Variants in RNPS1 observed in about 807,000 individuals in gnomAD.
The protein encoded by RNPS1 is RNA-binding protein with serine-rich domain 1.
For synonymous variants in RNPS1, 147 were observed against 150.0 expected (o/e 0.98, Z 0.15); for missense variants, 300 against 427.6 (o/e 0.70, Z 2.63).
At chr16:2,262,705 C>T (rs2093608067) in intron 5 of RNPS1, 35 bp downstream of exon 5, 2 of 1,565,464 alleles carry the variant, frequency 1.3e-6, no homozygotes, top group Non-Finnish European at 1.8e-6. Context: ...CTTGTCCACA[C>T]CCCACTGCCC....
chr16:2,258,694 C>A (rs1264415561), intron 6 of RNPS1: 1 of 151,946 alleles, frequency 6.6e-6, no homozygotes, highest in African/African-American at 2.4e-5. Context: ...CCACTGCACA[C>A]CAGCGTGGGC....
At chr16:2,260,330 A>G (rs570560593) in intron 6 of RNPS1, among the ~76,000 whole-genome samples, 67 of 151,622 alleles carry the variant, frequency 4.4e-4, no homozygotes, top group African/African-American at 1.6e-3. Context: ...TAATTTTTGT[A>G]TTTTTATTAG....
intron 1 of RNPS1, 145 bp downstream of exon 1, chr16:2,267,910 C>T: frequency 6.5e-7 from 1 of 1,533,686 alleles, no homozygotes; most frequent in Non-Finnish European, 8.7e-7. Flanking sequence ...CCGGGCCACA[C>T]TCTTTCTTCT....
rs766752333 is a variant in RNPS1, at chr16:2,263,242, A to G, written c.273T>C (p.Thr91=). The change falls in exon 4 of 8, where the codon ACT becomes ACC. Residue 91 remains threonine (T), a synonymous_variant. Coordinates refer to ENST00000320225, the MANE Select transcript of RNPS1 (RefSeq NM_080594.4). ...STSSSGSSTS[T]GSSSGSSSSS... ...AAGAGCTGGAGCCACTGCTTGAGCC[A>G]GTGCTGGTGCTGGAGCCTGAGCTGG... is the stretch of plus-strand genomic sequence containing the variant. 7.4e-6 allele frequency: 12 copies of G among 1,613,600 alleles called. No homozygotes were observed. In the Admixed American group the frequency reaches 1.8e-4, roughly 25 times the overall value.
chr16:2,264,147 T>C, intron 3 of RNPS1, 29 bp downstream of exon 3: 1 of 1,611,538 alleles, frequency 6.2e-7, no homozygotes, highest in Non-Finnish European at 8.5e-7. Flanking sequence ...GCACAGGTCC[T>C]CTCCAGGCTC....
chr16:2,264,490 A>G lies in RNPS1; in HGVS notation c.71+83T>C, dbSNP rs1336417349. ...CAGAACACTCACTGTAGAATGCAGA[A>G]CATTCTCAACTTTCCCCTTTCTGCG... On this transcript the variant is annotated intron_variant, in intron 2 of 7. Coordinates refer to ENST00000320225, the MANE Select transcript of RNPS1 (RefSeq NM_080594.4). 4 of 1,527,768 alleles carry G rather than the reference A, an allele frequency of 2.6e-6. No individual in the cohort carries two copies. In the East Asian group the frequency reaches 9.0e-5, roughly 34 times the overall value. The allele number at this position is 1,527,768 out of a possible 1,614,324, so 94.6% of individuals were successfully genotyped here. A position where few individuals can be genotyped will look rare whatever the true frequency, so the allele number is the denominator to read the frequency against.
chr16:2,261,779 A>T (rs1257507201), intron 6 of RNPS1, among the ~76,000 whole-genome samples: 1 of 152,190 alleles, frequency 6.6e-6, no homozygotes, highest in African/African-American at 2.4e-5. Context: ...AAACTCCCCA[A>T]ACTGCTGTGA....
rs147447605 is a variant in RNPS1, at chr16:2,263,113, C to G, written c.402G>C (p.Arg134Ser). 6.2e-7 allele frequency: 1 copy of G among 1,612,824 alleles called. No individual in the cohort carries two copies. Among genetic ancestry groups the G allele is most frequent in the South Asian group, 1.1e-5 (1 of 91,022 alleles). Residue 134 changes from arginine (R) to serine (S), a missense_variant, in exon 4 of 8, where the codon AGG becomes AGC. Coordinates refer to ENST00000320225, the MANE Select transcript of RNPS1 (RefSeq NM_080594.4). ...PSPSRRRHDN[R>S]RRSRSKSKPP... ...GCACTCACTTGGAGCGGGAGCGCCT[C>G]CTGTTGTCGTGTCTGCGCCGAGAAG... is the stretch of plus-strand genomic sequence containing the variant.
At chr16:2,267,688 G>A (rs781065227) in intron 1 of RNPS1, 3 of 1,166,298 alleles carry the variant, frequency 2.6e-6, no homozygotes, top group Middle Eastern at 3.5e-4. Context: ...GCGCCGGGCC[G>A]CGAGCGCTTC....
chr16:2,266,046 C>CTT, intron 1 of RNPS1: 1 of 907,462 alleles, frequency 1.1e-6, no homozygotes, highest in South Asian at 5.1e-5. Context: ...TAAGGCTCTG[C>CTT]ACAAGCTGCA....
In RNPS1 at chr16:2,262,346, T is replaced by C; in HGVS notation, c.608A>G (p.Lys203Arg). The C allele has an allele frequency of 6.2e-7, 1 of 1,614,130 alleles. No homozygotes were observed. Among genetic ancestry groups the C allele is most frequent in the African/African-American group, 1.3e-5 (1 of 75,050 alleles). Residue 203 changes from lysine to arginine, a missense_variant, in exon 6 of 8, where the codon AAA becomes AGA. Coordinates refer to ENST00000320225, the MANE Select transcript of RNPS1 (RefSeq NM_080594.4). ...CTCAAACTCTACGTACGCATAGCCT[T>C]TGGACAGATGGGGATGCATCCTTTC... The part of the protein sequence containing the change: ...PVERMHPHLS[K>R]GYAYVEFENP...
At chr16:2,256,992 G>A (rs1394474188) in intron 6 of RNPS1, 1 of 152,184 alleles carries the variant, frequency 6.6e-6, no homozygotes, top group South Asian at 2.1e-4. Context: ...GCTGCGGTGG[G>A]AAGCTGCATG....
rs1374063912 is a variant in RNPS1, at chr16:2,267,364, A to G, written c.-118+691T>C. ...GCACAGTTCATGCGGAATCAAGACA[A>G]AAAGCCTACTCCACGTTTCTCCTCC... On this transcript the variant is annotated intron_variant, in intron 1 of 7. Coordinates refer to ENST00000320225, the MANE Select transcript of RNPS1 (RefSeq NM_080594.4). 5.1e-6 allele frequency: 5 copies of G among 984,420 alleles called. No individual in the cohort carries two copies. The East Asian group carries it at 5.7e-4, about 112-fold the overall frequency. 61.0% of individuals were successfully genotyped at this position (984,420 alleles called of 1,614,324 possible).
rs568814254 is a variant in RNPS1 at position 2,267,009 on chromosome 16, C to A, written c.-118+1046G>T. ...AGAGTGGAGGTCACACCCGCAGATT[C>A]CAGCCCCACCCCCCCAAGAACTAAG... On this transcript the variant is annotated intron_variant, in intron 1 of 7. Coordinates refer to ENST00000320225, the MANE Select transcript of RNPS1 (RefSeq NM_080594.4). The A allele has an allele frequency of 2.7e-5, 9 of 329,170 alleles. No homozygotes were observed. In the South Asian group the frequency reaches 1.1e-3, roughly 40 times the overall value. The allele number at this position is 329,170 out of a possible 1,614,324, so 20.4% of individuals were successfully genotyped here.
chr16:2,262,878 G>T, intron 4 of RNPS1, 36 bp from the exon 5 acceptor site: 2 of 1,578,436 alleles, frequency 1.3e-6, no homozygotes, highest in Non-Finnish European at 8.7e-7. Context: ...AACAATTTCT[G>T]TCAAGTCAAA....
At chr16:2,259,868 G>A (rs867561851) in intron 6 of RNPS1, among the ~76,000 whole-genome samples, 2 of 152,176 alleles carry the variant, frequency 1.3e-5, no homozygotes, top group African/African-American at 2.4e-5. Context: ...CAGCCTGGGC[G>A]ACAGAGCGAG....
intron 7 of RNPS1, 62 bp downstream of exon 7, chr16:2,255,523 A>G: frequency 1.3e-6 from 2 of 1,518,314 alleles, no homozygotes; most frequent in Non-Finnish European, 1.8e-6. Flanking sequence ...AGGGTCTGAA[A>G]GTCACTGCGG....
At chr16:2,266,819 T>C (rs1367426069) in intron 1 of RNPS1, 15 of 563,834 alleles carry the variant, frequency 2.7e-5, no homozygotes, top group Non-Finnish European at 3.4e-5. Context: ...TCCAAAATAT[T>C]ATCTTTCCAA....
Position 2,268,050 on chromosome 16 carries a change from C to T in RNPS1, c.-118+5G>A. 4 of 1,534,686 alleles carry T rather than the reference C, an allele frequency of 2.6e-6. No individual in the cohort carries two copies. Among genetic ancestry groups the T allele is most frequent in the Non-Finnish European group, 3.5e-6 (4 of 1,146,672 alleles). ...CGGATGCAGTCGGATTCCGCCCCAA[C>T]TTACATCTTCCCGCCGCCGCCACCT... On this transcript the variant is annotated splice_donor_5th_base_variant and intron_variant, in intron 1 of 7. Coordinates refer to ENST00000320225, the MANE Select transcript of RNPS1 (RefSeq NM_080594.4).
Sources: gnomAD v4.1 joint callset for allele counts (sites outside exome capture counted in the v4.1 genomes callset) on GRCh38, gnomAD v4.1.1 for gene constraint, MANE v1.5 for transcripts, NCBI Gene and HGNC (gene_info 2026-07-23, HGNC 2026-07-21) for gene names.